The following IQCM variants were observed in gnomAD, a reference collection of about 807,000 sequenced individuals.
The protein encoded by IQCM is IQ domain-containing protein M.
Under a neutral mutation model 57.6 loss-of-function variants are expected in IQCM, and 45 were observed. The ratio of observed to expected loss-of-function variants is 0.78; its 90% CI spans 0.62 to 1.00. IQCM has a LOEUF of 1.00. Among genes scored for constraint, IQCM ranks in the 50% least tolerant of loss-of-function variants. IQCM has a pLI of 0.00. For missense variants in IQCM, 468 were observed against 511.6 expected, an observed-to-expected ratio of 0.91 and a Z score of 0.82; for synonymous variants, 148 against 158.9, an observed-to-expected ratio of 0.93 and a Z score of 0.51.
intron 8 of IQCM, among the ~76,000 whole-genome samples, chr4:149,618,915 T>C (rs1476038009): frequency 6.6e-6 from 1 of 152,008 alleles, no homozygotes; most frequent in African/African-American, 2.4e-5. Context: ...TGGGAAACAG[T>C]CTGGAGATTT....
At chr4:149,478,632 A>G (rs1381088044) in intron 12 of IQCM, among the ~76,000 whole-genome samples, 1 of 152,156 alleles carries the variant, frequency 6.6e-6, no homozygotes, top group Non-Finnish European at 1.5e-5. Context: ...AACACACTGG[A>G]GCAATTTCAT....
At chr4:149,369,910 T>G (rs1478230533) in intron 13 of IQCM, among the ~76,000 whole-genome samples, 3 of 152,218 alleles carry the variant, frequency 2.0e-5, no homozygotes, top group Admixed American at 2.0e-4. Context: ...ATTTATTAAT[T>G]TAGGAGACAA....
intron 5 of IQCM, among the ~76,000 whole-genome samples, chr4:149,713,714 G>A (rs913821367): frequency 6.6e-6 from 1 of 151,922 alleles, no homozygotes; most frequent in Non-Finnish European, 1.5e-5. Flanking sequence ...CACTCCATGT[G>A]CCCTCTCATT....
chr4:149,505,657 T>C (rs1243268971), intron 12 of IQCM, among the ~76,000 whole-genome samples: 1 of 152,216 alleles, frequency 6.6e-6, no homozygotes, highest in Non-Finnish European at 1.5e-5. Flanking sequence ...TTTCCATGTC[T>C]ATATAATCAC....
Position 149,434,344 on chromosome 4 carries a change from A to G in IQCM, c.1229-787T>C, listed in dbSNP as rs185744977. ...AATTAAACAATAATTTAAATTGCAC[A>G]GCGAAAAATCTCTGGTATGCCCATT... On this transcript the variant is annotated intron_variant, in intron 12 of 13. Transcript: ENST00000636793. Among the ~76,000 whole-genome samples, 256 of 152,242 alleles carry G rather than the reference A, an allele frequency of 1.7e-3. 2 individuals carry two copies. Among genetic ancestry groups the G allele is most frequent in the African/African-American group, 5.7e-3 (239 of 41,584 alleles).
intron 12 of IQCM, among the ~76,000 whole-genome samples, chr4:149,492,898 C>T (rs1742246246): frequency 6.6e-6 from 1 of 152,128 alleles, no homozygotes; most frequent in South Asian, 2.1e-4. Context: ...AGAATGGTCT[C>T]CAAAGGGCAG....
intron 9 of IQCM, among the ~76,000 whole-genome samples, chr4:149,569,954 T>C (rs1224184724): frequency 2.6e-5 from 4 of 152,104 alleles, no homozygotes; most frequent in African/African-American, 9.6e-5. Flanking sequence ...CTTCAATTTG[T>C]TTGCTTTTAC....
chr4:149,401,131 T>G (rs1020015414), intron 13 of IQCM, among the ~76,000 whole-genome samples: 1 of 151,540 alleles, frequency 6.6e-6, no homozygotes, highest in South Asian at 2.1e-4. Context: ...TCAAAAACCT[T>G]ACAACCAGGA....
intron 13 of IQCM, among the ~76,000 whole-genome samples, chr4:149,376,908 T>C (rs930160318): frequency 2.6e-5 from 4 of 152,036 alleles, no homozygotes; most frequent in Admixed American, 2.6e-4. Context: ...TTGCTTTAAA[T>C]GAAGGAAAAA....
chr4:149,376,804 T>A lies in IQCM; in HGVS notation c.1391-24738A>T, dbSNP rs1560785888. ...TATCTAATTGAGTCTGATATGTACA[T>A]AAGATAATGAGCACACACATCTTTC... is the stretch of plus-strand genomic sequence containing the variant. On this transcript the variant is annotated intron_variant, in intron 13 of 13. Transcript: ENST00000636793. 2.0e-5 allele frequency among the ~76,000 whole-genome samples: 3 copies of A among 152,184 alleles called. 1 individual carries two copies. The highest frequency in any genetic ancestry group is 4.4e-5 in the Non-Finnish European group (3 of 68,024).
chr4:149,593,128 T>A (rs567714745), intron 8 of IQCM, among the ~76,000 whole-genome samples: 2 of 152,248 alleles, frequency 1.3e-5, no homozygotes, highest in East Asian at 3.9e-4. Context: ...CCTCTTTTAT[T>A]TCGTTGAGCA....
At chr4:149,379,042 C>A (rs949353927) in intron 13 of IQCM, among the ~76,000 whole-genome samples, 1 of 152,174 alleles carries the variant, frequency 6.6e-6, no homozygotes, top group African/African-American at 2.4e-5. Flanking sequence ...AGTCCCAAGG[C>A]TTGGCAGCTT....
intron 2 of IQCM, among the ~76,000 whole-genome samples, chr4:149,799,632 A>T (rs1046164245): frequency 6.6e-6 from 1 of 151,828 alleles, no homozygotes; most frequent in African/African-American, 2.4e-5. Flanking sequence ...AAAATCGGAG[A>T]TGAGAAAGGA....
intron 12 of IQCM, among the ~76,000 whole-genome samples, chr4:149,491,872 A>AT (rs1442622835): frequency 1.3e-5 from 2 of 150,758 alleles, no homozygotes; most frequent in Non-Finnish European, 3.0e-5. Context: ...TATCTCTACC[A>AT]TTTTTTTCAA....
chr4:149,370,268 C>T (rs1730272085), intron 13 of IQCM, among the ~76,000 whole-genome samples: 1 of 152,176 alleles, frequency 6.6e-6, no homozygotes, highest in Non-Finnish European at 1.5e-5. Context: ...CAAATATTGG[C>T]ACTTCTACTT....
At chr4:149,411,002 T>A (rs1202930844) in intron 13 of IQCM, among the ~76,000 whole-genome samples, 1 of 152,120 alleles carries the variant, frequency 6.6e-6, no homozygotes, top group Non-Finnish European at 1.5e-5. Context: ...ATTAATAATC[T>A]TCTTGTGTTT....
chr4:149,686,726 T>C (rs144029999), intron 5 of IQCM, among the ~76,000 whole-genome samples: 77 of 151,688 alleles, frequency 5.1e-4, no homozygotes, highest in African/African-American at 1.8e-3. Context: ...GAGATTGCTC[T>C]CAGAGAAATG....
intron 12 of IQCM, among the ~76,000 whole-genome samples, chr4:149,460,140 G>A (rs111845800): frequency 1.9e-4 from 29 of 152,178 alleles, no homozygotes; most frequent in African/African-American, 6.3e-4. Flanking sequence ...GTATCTCATC[G>A]TAGTTTTGAT....
intron 5 of IQCM, among the ~76,000 whole-genome samples, chr4:149,698,040 G>C (rs1288422840): frequency 1.3e-5 from 2 of 151,970 alleles, no homozygotes; most frequent in South Asian, 2.1e-4. Context: ...TTTCAGATTT[G>C]ATGTAAGGAA....
Sources: gnomAD v4.1 joint callset for allele counts (sites outside exome capture counted in the v4.1 genomes callset) on GRCh38, gnomAD v4.1.1 for gene constraint, MANE v1.5 for transcripts, NCBI Gene and HGNC (gene_info 2026-07-23, HGNC 2026-07-21) for gene names.